LAMA3: variants seen among roughly 807,000 people sequenced by gnomAD.
LAMA3 encodes laminin subunit alpha-3.
A neutral mutation model predicts 402.0 loss-of-function variants in LAMA3; 281 were observed. That is an observed-to-expected ratio of 0.70 (90% CI 0.63 to 0.77). The LOEUF is 0.77. Ranked by LOEUF, LAMA3 falls within the 30% of genes least tolerant of loss-of-function variation. The probability of loss-of-function intolerance (pLI) is 0.00; values close to 1 mark genes in which losing one functional copy is unlikely to be tolerated. For synonymous variants in LAMA3, 1,431 were observed against 1,558.4 expected (o/e 0.92, Z 1.93); for missense variants, 3,840 against 4,215.5 (o/e 0.91, Z 2.47).
chr18:23,808,382 G>A lies in LAMA3; in HGVS notation c.1604-1984G>A, dbSNP rs185581989. On this transcript the variant is annotated intron_variant, in intron 12 of 74. Transcript: ENST00000313654. ...TTTGTATTATTTTTGTTATTTTTTAGTTGTGTATTTTTCTGAATATTTTTG... is the reference window on the plus strand; with the variant it reads ...TTTGTATTATTTTTGTTATTTTTTAATTGTGTATTTTTCTGAATATTTTTG... Among the ~76,000 whole-genome samples, 414 of 151,974 alleles carry A rather than the reference G, an allele frequency of 2.7e-3. 1 individual carries two copies. The highest frequency in any genetic ancestry group is 4.1e-3 in the Non-Finnish European group (276 of 67,964).
intron 1 of LAMA3, among the ~76,000 whole-genome samples, chr18:23,693,004 A>G (rs2060620822): frequency 6.6e-6 from 1 of 152,168 alleles, no homozygotes; most frequent in Non-Finnish European, 1.5e-5. Flanking sequence ...TATTGTTATT[A>G]TATATGCATT....
intron 36 of LAMA3, among the ~76,000 whole-genome samples, chr18:23,867,552 C>CA (rs60964764): frequency 0.032 from 3,049 of 96,146 alleles, 45 homozygotes; most frequent in African/African-American, 0.036. Flanking sequence ...CCATCCCTGC[C>CA]AAAAAAAAAA....
At chr18:23,821,430 T>C (rs1416169654) in intron 19 of LAMA3, among the ~76,000 whole-genome samples, 1 of 152,174 alleles carries the variant, frequency 6.6e-6, no homozygotes, top group Non-Finnish European at 1.5e-5. Flanking sequence ...TAAAAAAATA[T>C]CCCCTTCCTT....
rs923416757 is a variant in LAMA3 at position 23,943,903 on chromosome 18, C to T, written c.9142C>T (p.Leu3048=). The T allele has an allele frequency of 6.2e-7, 1 of 1,614,072 alleles. No individual in the cohort carries two copies. Among genetic ancestry groups the T allele is most frequent in the Non-Finnish European group, 8.5e-7 (1 of 1,179,950 alleles). Residue 3048 remains leucine, a synonymous_variant, in exon 69 of 75, where the codon CTG becomes TTG. Coordinates refer to ENST00000313654, the MANE Select transcript of LAMA3 (RefSeq NM_198129.4). ...YLSKGRLVFA[L]GTDGKKLRIK... ...TTCAAAAGGACGTCTGGTCTTTGCA[C>T]TGGGGACAGATGGGAAAAAATTGAG...
chr18:23,809,497 T>C (rs1334230197), intron 12 of LAMA3, among the ~76,000 whole-genome samples: 1 of 152,210 alleles, frequency 6.6e-6, no homozygotes, highest in African/African-American at 2.4e-5. Context: ...TCAGGTCAAT[T>C]CCACTGCTCA....
intron 37 of LAMA3, 22 bp from the exon 38 acceptor site, chr18:23,871,409 G>T: frequency 1.2e-6 from 2 of 1,609,226 alleles, no homozygotes; most frequent in South Asian, 2.2e-5. Context: ...GGAAGACCCT[G>T]ACTTTCTGTT....
intron 2 of LAMA3, among the ~76,000 whole-genome samples, chr18:23,730,078 G>T (rs1163201764): frequency 6.6e-6 from 1 of 152,190 alleles, no homozygotes; most frequent in Non-Finnish European, 1.5e-5. Context: ...ATTAAAAAAC[G>T]AAATAAAACA....
At chr18:23,896,461 A>G (rs920520072) in intron 44 of LAMA3, among the ~76,000 whole-genome samples, 6 of 152,226 alleles carry the variant, frequency 3.9e-5, no homozygotes, top group African/African-American at 1.4e-4. Flanking sequence ...ATGGTCAGAG[A>G]ACACGCTTTC....
At chr18:23,836,871 A>G in intron 24 of LAMA3, 110 bp from the exon 25 acceptor site, 1 of 751,776 alleles carries the variant, frequency 1.3e-6, no homozygotes, top group South Asian at 1.5e-5. Context: ...ACTATAATTC[A>G]TTCAGTTATA....
intron 7 of LAMA3, among the ~76,000 whole-genome samples, chr18:23,762,863 T>A (rs200723329): frequency 0.17 from 24,443 of 140,226 alleles, 2,980 homozygotes; most frequent in East Asian, 0.55. Flanking sequence ...TATATATATT[T>A]TTTTTTTTTT....
Position 23,882,000 on chromosome 18 carries a change from C to T in LAMA3, c.5177C>T (p.Ala1726Val), listed in dbSNP as rs2064912716. ...ERCQEGYYGN[A>V]VHGSCRACPC... ...TGCCAGGAGGGCTACTATGGCAACG[C>T]CGTCCACGGATCCTGCAGGGCCTGC... is the stretch of plus-strand genomic sequence containing the variant. Residue 1726 changes from alanine (A) to valine (V), a missense_variant, in exon 40 of 75, where the codon GCC becomes GTC. By Grantham distance (64) the Ala-to-Val change is moderately conservative. Around this residue, in one of 3 missense-constraint regions of LAMA3, gnomAD observed 2,109 missense variants for 2,376.0 expected, o/e 0.89. Transcript: ENST00000313654. 1 of 1,613,954 alleles carries T rather than the reference C, an allele frequency of 6.2e-7. No homozygotes were observed. Among genetic ancestry groups the T allele is most frequent in the African/African-American group, 1.3e-5 (1 of 74,918 alleles).
At chr18:23,869,726 T>A in intron 37 of LAMA3, among the ~76,000 whole-genome samples, 1 of 152,264 alleles carries the variant, frequency 6.6e-6, no homozygotes, top group Admixed American at 6.5e-5. Flanking sequence ...ATTTAAGAGA[T>A]GTAAAAACTG....
chr18:23,853,934 AC>A (rs1192231226), intron 32 of LAMA3, among the ~76,000 whole-genome samples: 1 of 152,226 alleles, frequency 6.6e-6, no homozygotes, highest in Admixed American at 6.5e-5. Flanking sequence ...TCCTGGCAAC[AC>A]CAAAAACTGT....
chr18:23,773,549 C>T lies in LAMA3; in HGVS notation c.1235C>T (p.Pro412Leu). Reference protein sequence around the residue: ...CEQCAKGYYRPYGVPVDAPDG... With the variant: ...CEQCAKGYYRLYGVPVDAPDG... ...CAGTGTGCTAAGGGCTATTACCGCC[C>T]TTATGGGGTTCCAGTGGATGCCCCT... The change falls in exon 9 of 75, where the codon CCT becomes CTT. Residue 412 changes from proline (P) to leucine (L), a missense_variant. Pro to Leu is a moderately conservative substitution (Grantham distance 98). Around this residue, in one of 3 missense-constraint regions of LAMA3, gnomAD observed 2,109 missense variants for 2,376.0 expected, o/e 0.89. Transcript: ENST00000313654. 2 of 1,598,404 alleles carry T rather than the reference C, an allele frequency of 1.3e-6. No homozygotes were observed. Among genetic ancestry groups the T allele is most frequent in the Non-Finnish European group, 1.7e-6 (2 of 1,170,608 alleles).
intron 2 of LAMA3, among the ~76,000 whole-genome samples, chr18:23,716,691 G>GT (rs750515939): frequency 1.4e-4 from 22 of 152,210 alleles, no homozygotes; most frequent in African/African-American, 2.2e-4. Context: ...GCTGACAAAC[G>GT]TGAGTCATGG....
intron 8 of LAMA3, among the ~76,000 whole-genome samples, chr18:23,768,259 C>T (rs558176380): frequency 1.3e-5 from 2 of 150,500 alleles, no homozygotes; most frequent in South Asian, 2.1e-4. Context: ...GTCTAATATT[C>T]GGAATATATG....
At chr18:23,797,182 T>A (rs2062779881) in intron 12 of LAMA3, among the ~76,000 whole-genome samples, 2 of 152,200 alleles carry the variant, frequency 1.3e-5, no homozygotes, top group South Asian at 4.1e-4. Context: ...TGTTTTGGGT[T>A]TGAACCATTC....
intron 21 of LAMA3, among the ~76,000 whole-genome samples, chr18:23,825,536 A>G (rs1243911976): frequency 6.6e-6 from 1 of 152,186 alleles, no homozygotes; most frequent in Non-Finnish European, 1.5e-5. Context: ...AGGTCCTTCC[A>G]AATTGGGATC....
At chr18:23,824,787 T>G (rs1470590952) in intron 21 of LAMA3, among the ~76,000 whole-genome samples, 2 of 152,072 alleles carry the variant, frequency 1.3e-5, no homozygotes, top group African/African-American at 4.8e-5. Flanking sequence ...TCAGCTAGCT[T>G]CTCTTGGACA....
Sources: allele counts gnomAD v4.1 joint callset (sites outside exome capture counted in the v4.1 genomes callset), GRCh38; gene constraint gnomAD v4.1.1; regional missense constraint gnomAD v4.1.1; transcripts MANE v1.5; gene names NCBI Gene and HGNC (gene_info 2026-07-23, HGNC 2026-07-21).